Variants in KCNN3 observed in about 807,000 individuals in gnomAD.
KCNN3 encodes the protein potassium calcium-activated channel subfamily N member 3.
In KCNN3, 16 loss-of-function variants were observed where a neutral mutation model predicts 62.9. That is an observed-to-expected ratio of 0.25 (90% CI 0.17 to 0.39). The LOEUF (loss-of-function observed/expected upper bound fraction) is 0.39, where lower values mean the gene tolerates loss of function less well. Among genes scored for constraint, KCNN3 ranks in the 10% least tolerant of loss-of-function variants. The pLI, the probability that KCNN3 is intolerant of heterozygous loss-of-function variation, is 1.00. For missense variants in KCNN3, 599 were observed against 949.4 expected (o/e 0.63, Z 4.85); for synonymous variants, 370 against 389.2 (o/e 0.95, Z 0.58).
At position 154,697,770 on chromosome 1, in the gene KCNN3, A is replaced by G. The variant is rs1252956727; in HGVS notation, c.*10206T>C. 6.6e-6 allele frequency: 1 copy of G among 152,272 alleles called. No individual in the cohort carries two copies. The highest frequency in any genetic ancestry group is 2.4e-5 in the African/African-American group (1 of 41,480). The allele number at this position is 152,272 out of a possible 1,614,324, so 9.4% of individuals were successfully genotyped here. On this transcript the variant is annotated 3_prime_UTR_variant, in exon 8 of 8. Transcript: ENST00000271915. Reference sequence around the variant, plus strand: ...GGATCTTACAAATCCAATGGTGGCCAGCAGTAGAACTGAAGCCTGTAAGTT... The same window carrying G: ...GGATCTTACAAATCCAATGGTGGCCGGCAGTAGAACTGAAGCCTGTAAGTT...
chr1:154,807,273 C>A (rs1650211130), intron 2 of KCNN3, among the ~76,000 whole-genome samples: 1 of 152,128 alleles, frequency 6.6e-6, no homozygotes, highest in Non-Finnish European at 1.5e-5. Context: ...GAAAAAATGT[C>A]CCCTGGTGGC....
intron 1 of KCNN3, among the ~76,000 whole-genome samples, chr1:154,864,218 G>T (rs1652873572): frequency 6.6e-6 from 1 of 152,296 alleles, no homozygotes; most frequent in Admixed American, 6.5e-5. Flanking sequence ...GGCTGGAAAG[G>T]GTCTATCCTA....
At chr1:154,712,797 T>G (rs1700106598) in intron 7 of KCNN3, among the ~76,000 whole-genome samples, 1 of 152,146 alleles carries the variant, frequency 6.6e-6, no homozygotes, top group African/African-American at 2.4e-5. Flanking sequence ...CCTGGGTGAT[T>G]TGCAAGAGGA....
In KCNN3 at chr1:154,771,957, A is replaced by C; in HGVS notation, c.1448+18T>G. 1 of 1,613,448 alleles carries C rather than the reference A, an allele frequency of 6.2e-7. No homozygotes were observed. The highest frequency in any genetic ancestry group is 8.5e-7 in the Non-Finnish European group (1 of 1,179,670). Reference sequence around the variant, plus strand: ...TCCCAGCACAGGCTCTGTACTCAGAAAGCCCCATGTGGAATACCTTTCACA... The same window carrying C: ...TCCCAGCACAGGCTCTGTACTCAGACAGCCCCATGTGGAATACCTTTCACA... On this transcript the variant is annotated intron_variant, in intron 3 of 7. Transcript: ENST00000271915.
intron 2 of KCNN3, among the ~76,000 whole-genome samples, chr1:154,797,085 G>A (rs4492614): frequency 0.13 from 19,493 of 152,182 alleles, 1,325 homozygotes; most frequent in Non-Finnish European, 0.15. Context: ...GCCAGTCTCC[G>A]AAGGAGAGGA....
intron 3 of KCNN3, among the ~76,000 whole-genome samples, chr1:154,764,395 C>T (rs1366721622): frequency 6.6e-6 from 1 of 152,136 alleles, no homozygotes; most frequent in Non-Finnish European, 1.5e-5. Context: ...TGAGGCACAT[C>T]GCTCAACCTC....
chr1:154,811,992 G>A (rs190036630), intron 2 of KCNN3, among the ~76,000 whole-genome samples: 108 of 152,300 alleles, frequency 7.1e-4, no homozygotes, highest in Admixed American at 7.0e-3. Flanking sequence ...GAGCTTAATT[G>A]AGTGCCATGT....
rs1699798904 is a variant in KCNN3 at position 154,699,097 on chromosome 1, A to G, written c.*8879T>C. 2.0e-5 allele frequency: 3 copies of G among 152,190 alleles called. No homozygotes were observed. Among genetic ancestry groups the G allele is most frequent in the Admixed American group, 2.0e-4 (3 of 15,272 alleles). The allele number at this position is 152,190 out of a possible 1,614,324, so 9.4% of individuals were successfully genotyped here. A position where few individuals can be genotyped will look rare whatever the true frequency, so the allele number is the denominator to read the frequency against. ...GGGAAAACAAAGTCACTGAAACAGA[A>G]AAATGTTTTCCAAAGGAAAAATGTT... On this transcript the variant is annotated 3_prime_UTR_variant, in exon 8 of 8. Coordinates refer to ENST00000271915, the MANE Select transcript of KCNN3 (RefSeq NM_002249.6).
intron 2 of KCNN3, among the ~76,000 whole-genome samples, chr1:154,790,920 C>A (rs1649486686): frequency 6.6e-6 from 1 of 152,100 alleles, no homozygotes; most frequent in Non-Finnish European, 1.5e-5. Flanking sequence ...CATCACTGAA[C>A]TATATACTTA....
rs544450846 is a variant in KCNN3, at chr1:154,728,662, A to AAAGAG, written c.1591-2641_1591-2637dup. On this transcript the variant is annotated intron_variant, in intron 4 of 7. Coordinates refer to ENST00000271915, the MANE Select transcript of KCNN3 (RefSeq NM_002249.6). Reference sequence around the variant, plus strand: ...GGAGAAAAGAGAAGAGAAGAGGAGAAAAGAGAAGAGAAGAGAAGAGAAGGT... The same window carrying AAAGAG: ...GGAGAAAAGAGAAGAGAAGAGGAGAAAAGAGAAGAGAAGAGAAGAGAAGAGAAGGT... Among the ~76,000 whole-genome samples the AAAGAG allele has an allele frequency of 9.2e-5, 14 of 151,982 alleles. No individual in the cohort carries two copies. In the South Asian group the frequency reaches 1.0e-3, roughly 11 times the overall value.
intron 1 of KCNN3, among the ~76,000 whole-genome samples, chr1:154,852,062 C>T (rs1652322731): frequency 2.6e-5 from 4 of 152,214 alleles, no homozygotes; most frequent in Admixed American, 2.6e-4. Flanking sequence ...GGACACGAGC[C>T]ACGTGTGTCC....
intron 7 of KCNN3, among the ~76,000 whole-genome samples, chr1:154,709,803 G>A (rs1030255870): frequency 1.3e-5 from 2 of 152,082 alleles, no homozygotes; most frequent in African/African-American, 2.4e-5. Flanking sequence ...CATTCTTCCC[G>A]GAATGTGCAA....
At chr1:154,794,654 G>A (rs1038480435) in intron 2 of KCNN3, among the ~76,000 whole-genome samples, 4 of 152,272 alleles carry the variant, frequency 2.6e-5, no homozygotes, top group African/African-American at 9.6e-5. Context: ...CAGGCATTTT[G>A]GTCCATGGAT....
At chr1:154,718,502 C>T (rs969406012) in intron 5 of KCNN3, among the ~76,000 whole-genome samples, 21 of 152,248 alleles carry the variant, frequency 1.4e-4, no homozygotes, top group African/African-American at 3.9e-4. Context: ...GATAAATAGA[C>T]GTGATCATCA....
chr1:154,806,232 T>C (rs569680188), intron 2 of KCNN3, among the ~76,000 whole-genome samples: 24 of 152,072 alleles, frequency 1.6e-4, no homozygotes, highest in Non-Finnish European at 2.9e-4. Flanking sequence ...CTTTGGAGAG[T>C]TCATCTCAAG....
At chr1:154,859,703 G>T in intron 1 of KCNN3, 1 of 1,614,108 alleles carries the variant, frequency 6.2e-7, no homozygotes, top group Non-Finnish European at 8.5e-7. Flanking sequence ...ACCTTTATAG[G>T]TCTCTCCATC....
At chr1:154,713,112 G>C (rs1700112659) in intron 7 of KCNN3, among the ~76,000 whole-genome samples, 1 of 152,146 alleles carries the variant, frequency 6.6e-6, no homozygotes, top group South Asian at 2.1e-4. Flanking sequence ...TCTGGTCCTT[G>C]CTAGCATGCT....
chr1:154,749,650 T>G (rs1571236447), intron 3 of KCNN3, among the ~76,000 whole-genome samples: 1 of 151,214 alleles, frequency 6.6e-6, no homozygotes, highest in Non-Finnish European at 1.5e-5. Context: ...TCAGCAGAGG[T>G]TGCAAAGTAG....
intron 5 of KCNN3, among the ~76,000 whole-genome samples, chr1:154,717,570 A>T (rs977529290): frequency 3.3e-5 from 5 of 150,794 alleles, no homozygotes; most frequent in African/African-American, 1.2e-4. Flanking sequence ...TTTTTAAATC[A>T]TCATGGCCCT....
Sources: gnomAD v4.1 joint callset for allele counts (sites outside exome capture counted in the v4.1 genomes callset) on GRCh38, gnomAD v4.1.1 for gene constraint, MANE v1.5 for transcripts, NCBI Gene and HGNC (gene_info 2026-07-23, HGNC 2026-07-21) for gene names.